The following ARHGAP6 variants were observed in gnomAD, a reference collection of about 807,000 sequenced individuals.
ARHGAP6 encodes the protein Rho GTPase activating protein 6.
Under a neutral mutation model 55.7 loss-of-function variants are expected in ARHGAP6, and 16 were observed. That is an observed-to-expected ratio of 0.29 (90% CI 0.19 to 0.44). ARHGAP6 has a LOEUF of 0.44. Ranked by LOEUF, ARHGAP6 falls within the 20% of genes least tolerant of loss-of-function variation. ARHGAP6 has a pLI of 1.00. For missense variants in ARHGAP6, 698 were observed against 808.9 expected (o/e 0.86, Z 1.66); for synonymous variants, 382 against 360.9 (o/e 1.06, Z -0.66).
intron 1 of ARHGAP6, among the ~76,000 whole-genome samples, chrX:11,612,363 A>C (rs769714117): frequency 1.8e-5 from 2 of 112,225 alleles, no homozygotes; most frequent in South Asian, 7.5e-4. Context: ...CCAGGTTGTC[A>C]TTTGGGTCAG....
chrX:11,171,714 A>G (rs1465639568), intron 8 of ARHGAP6, among the ~76,000 whole-genome samples: 2 of 111,549 alleles, frequency 1.8e-5, no homozygotes, highest in East Asian at 5.7e-4. Flanking sequence ...TCTCTAGGCT[A>G]GGGTTTCTCT....
intron 1 of ARHGAP6, among the ~76,000 whole-genome samples, chrX:11,607,037 C>T (rs1223531084): frequency 1.8e-5 from 2 of 112,038 alleles, no homozygotes; most frequent in Admixed American, 1.9e-4. Flanking sequence ...GGATTTTGTT[C>T]TTACAGTTGC....
chrX:11,241,369 G>A (rs1038758829), intron 2 of ARHGAP6, among the ~76,000 whole-genome samples: 1 of 111,043 alleles, frequency 9.0e-6, no homozygotes, highest in Non-Finnish European at 1.9e-5. Flanking sequence ...TGAAAAAGAT[G>A]AGAAAATTGC....
chrX:11,244,209 G>A (rs1036506942), intron 2 of ARHGAP6, among the ~76,000 whole-genome samples: 2 of 111,880 alleles, frequency 1.8e-5, no homozygotes, highest in African/African-American at 6.5e-5. Context: ...ATTAGGGGTT[G>A]GCAAGCTTTT....
At chrX:11,231,239 T>C (rs2047127474) in intron 2 of ARHGAP6, among the ~76,000 whole-genome samples, 1 of 112,319 alleles carries the variant, frequency 8.9e-6, no homozygotes, top group Non-Finnish European at 1.9e-5. Flanking sequence ...CTGAAGCACG[T>C]ATTTTCTTTT....
intron 1 of ARHGAP6, among the ~76,000 whole-genome samples, chrX:11,468,732 A>G (rs1410880189): frequency 1.8e-5 from 2 of 112,286 alleles, no homozygotes; most frequent in African/African-American, 3.2e-5. Flanking sequence ...CAAAGTCCGA[A>G]ACACAGAATT....
At chrX:11,591,695 G>T (rs1470029484) in intron 1 of ARHGAP6, among the ~76,000 whole-genome samples, 1 of 111,922 alleles carries the variant, frequency 8.9e-6, no homozygotes, top group Non-Finnish European at 1.9e-5. Flanking sequence ...GGGCTAGGGT[G>T]GAGGAAAATG....
intron 1 of ARHGAP6, among the ~76,000 whole-genome samples, chrX:11,279,136 A>T (rs1386035572): frequency 8.9e-6 from 1 of 112,048 alleles, no homozygotes; most frequent in African/African-American, 3.2e-5. Context: ...CTAGCTTAAC[A>T]TGATGACTTG....
At chrX:11,544,464 A>G (rs1027583547) in intron 1 of ARHGAP6, among the ~76,000 whole-genome samples, 2 of 112,364 alleles carry the variant, frequency 1.8e-5, no homozygotes, top group South Asian at 7.4e-4. Context: ...CAAGTTTCCA[A>G]TAAACCCTAA....
chrX:11,549,935 T>G (rs772245223), intron 1 of ARHGAP6, among the ~76,000 whole-genome samples: 10 of 112,318 alleles, frequency 8.9e-5, no homozygotes, highest in Non-Finnish European at 1.1e-4. Flanking sequence ...ACCAAGAGGA[T>G]AATCCCCTGT....
chrX:11,609,653 G>A (rs1311149788), intron 1 of ARHGAP6, among the ~76,000 whole-genome samples: 1 of 111,992 alleles, frequency 8.9e-6, no homozygotes, highest in Non-Finnish European at 1.9e-5. Flanking sequence ...ACTGCACACT[G>A]TAAAGCTGCA....
intron 1 of ARHGAP6, among the ~76,000 whole-genome samples, chrX:11,475,728 T>C (rs1410276086): frequency 9.3e-6 from 1 of 107,006 alleles, no homozygotes; most frequent in Non-Finnish European, 1.9e-5. Flanking sequence ...TAAAATTTGA[T>C]ACACTTCATC....
intron 10 of ARHGAP6, among the ~76,000 whole-genome samples, chrX:11,153,043 A>G (rs762872643): frequency 9.0e-6 from 1 of 111,688 alleles, no homozygotes; most frequent in South Asian, 3.8e-4. Context: ...AACAAGTCTG[A>G]AAGCTCCTAA....
intron 1 of ARHGAP6, among the ~76,000 whole-genome samples, chrX:11,442,899 A>C (rs891689502): frequency 2.7e-5 from 3 of 112,186 alleles, no homozygotes; most frequent in Non-Finnish European, 5.6e-5. Flanking sequence ...TCAATAGAAA[A>C]CTGGCTGAGA....
chrX:11,644,212 A>G (rs1327316720), intron 1 of ARHGAP6, among the ~76,000 whole-genome samples: 1 of 110,844 alleles, frequency 9.0e-6, no homozygotes, highest in Non-Finnish European at 1.9e-5. Context: ...TCCGAGAAAA[A>G]TTTTCAAAAC....
At chrX:11,201,175 C>T (rs2046614665) in intron 2 of ARHGAP6, among the ~76,000 whole-genome samples, 1 of 112,313 alleles carries the variant, frequency 8.9e-6, no homozygotes, top group African/African-American at 3.2e-5. Flanking sequence ...GAGTTAGTTA[C>T]ATTCACTGAA....
chrX:11,361,463 G>A (rs1292952796), intron 1 of ARHGAP6, among the ~76,000 whole-genome samples: 1 of 111,401 alleles, frequency 9.0e-6, no homozygotes, highest in Non-Finnish European at 1.9e-5. Context: ...GTAGAAAGCT[G>A]AAACTGCATC....
At chrX:11,588,477 T>C (rs762838849) in intron 1 of ARHGAP6, among the ~76,000 whole-genome samples, 16 of 112,315 alleles carry the variant, frequency 1.4e-4, no homozygotes, top group Non-Finnish European at 3.0e-4. Flanking sequence ...TAAATGTTCA[T>C]AGCAGCATTA....
At chrX:11,284,158 A>G (rs1171142165) in intron 1 of ARHGAP6, among the ~76,000 whole-genome samples, 4 of 111,648 alleles carry the variant, frequency 3.6e-5, no homozygotes, top group Non-Finnish European at 7.5e-5. Context: ...GTGGTCCCCA[A>G]CAGTTCTCCG....
Sources: gnomAD v4.1 joint callset for allele counts (sites outside exome capture counted in the v4.1 genomes callset) on GRCh38, gnomAD v4.1.1 for gene constraint, MANE v1.5 for transcripts, NCBI Gene and HGNC (gene_info 2026-07-23, HGNC 2026-07-21) for gene names.